DNAH9: variants seen among roughly 807,000 people sequenced by gnomAD.
DNAH9 encodes dynein axonemal heavy chain 9, also known as DNAH9 variant protein.
Under a neutral mutation model 471.6 loss-of-function variants are expected in DNAH9, and 345 were observed. The observed-to-expected ratio is 0.73, with a 90% CI of 0.67 to 0.80. DNAH9 has a LOEUF of 0.80. Ranked by LOEUF, DNAH9 falls within the 30% of genes least tolerant of loss-of-function variation. DNAH9 has a pLI of 0.00. For missense variants in DNAH9, 5,407 were observed against 5,609.2 expected, an observed-to-expected ratio of 0.96 and a Z score of 1.15; for synonymous variants, 2,093 against 2,123.6, an observed-to-expected ratio of 0.99 and a Z score of 0.40.
chr17:11,866,561 A>G (rs1972063412), intron 50 of DNAH9, among the ~76,000 whole-genome samples: 1 of 152,012 alleles, frequency 6.6e-6, no homozygotes, highest in Non-Finnish European at 1.5e-5. Flanking sequence ...TGTCAGACAG[A>G]GACATTTAAG....
At chr17:11,882,809 G>T in intron 55 of DNAH9, 1 of 485,062 alleles carries the variant, frequency 2.1e-6, no homozygotes, top group Non-Finnish European at 2.7e-6. Context: ...TGGCATCTGA[G>T]CTAATTCCTA....
At chr17:11,859,345 GA>G (rs1448618075) in intron 50 of DNAH9, among the ~76,000 whole-genome samples, 1 of 150,218 alleles carries the variant, frequency 6.7e-6, no homozygotes, top group East Asian at 2.0e-4. Context: ...CTGGAAGGCA[GA>G]GGTTGCAGTG....
At chr17:11,817,886 T>G (rs1970158228) in intron 45 of DNAH9, among the ~76,000 whole-genome samples, 1 of 152,190 alleles carries the variant, frequency 6.6e-6, no homozygotes, top group Non-Finnish European at 1.5e-5. Flanking sequence ...ATAATTCATT[T>G]TTTTATTTCA....
rs200649284 is a variant in DNAH9 at position 11,758,321 on chromosome 17, G to C, written c.6995+629G>C. ...TTACTACAGCAAGAATACTATCTGT[G>C]TCAGCACAGGGAGCTGCCCATGTTT... is the stretch of plus-strand genomic sequence containing the variant. On this transcript the variant is annotated intron_variant, in intron 35 of 68. Coordinates refer to ENST00000262442, the MANE Select transcript of DNAH9 (RefSeq NM_001372.4). 4.6e-5 allele frequency among the ~76,000 whole-genome samples: 7 copies of C among 152,288 alleles called. No individual in the cohort carries two copies. In the East Asian group the frequency reaches 1.2e-3, roughly 25 times the overall value.
At chr17:11,698,226 TAATAGC>T (rs1249620807) in intron 22 of DNAH9, among the ~76,000 whole-genome samples, 2 of 108,326 alleles carry the variant, frequency 1.8e-5, no homozygotes, top group African/African-American at 7.8e-5. Flanking sequence ...TATATTAATA[TAATAGC>T]AATATATTAT....
chr17:11,954,529 ATCAT>A (rs72112680), intron 67 of DNAH9, among the ~76,000 whole-genome samples: 61,933 of 151,506 alleles, frequency 0.41, 14,007 homozygotes, highest in Middle Eastern at 0.54. Flanking sequence ...GTGGAGAACT[ATCAT>A]TAAAGTACTA....
At chr17:11,665,052 G>A in intron 15 of DNAH9, 84 bp downstream of exon 15, 1 of 1,263,564 alleles carries the variant, frequency 7.9e-7, no homozygotes, top group South Asian at 1.4e-5. Flanking sequence ...GAGCAGCTGA[G>A]TGCTCTGTGA....
intron 68 of DNAH9, among the ~76,000 whole-genome samples, chr17:11,965,433 G>A (rs906572717): frequency 6.6e-6 from 1 of 152,156 alleles, no homozygotes; most frequent in Admixed American, 6.5e-5. Flanking sequence ...ACTTGACAAA[G>A]AATATAGACT....
At chr17:11,775,709 A>G (rs1968400280) in intron 38 of DNAH9, among the ~76,000 whole-genome samples, 1 of 138,250 alleles carries the variant, frequency 7.2e-6, no homozygotes, top group Non-Finnish European at 1.5e-5. Flanking sequence ...GGTTCACGCC[A>G]TTCTCCTGCC....
intron 42 of DNAH9, among the ~76,000 whole-genome samples, chr17:11,795,281 C>T (rs545884600): frequency 6.6e-6 from 1 of 152,216 alleles, no homozygotes; most frequent in South Asian, 2.1e-4. Context: ...TATTTCTTAG[C>T]GTCGAAATTA....
intron 68 of DNAH9, among the ~76,000 whole-genome samples, chr17:11,963,516 G>A (rs368112672): frequency 6.6e-6 from 1 of 151,098 alleles, no homozygotes; most frequent in Non-Finnish European, 1.5e-5. Flanking sequence ...GAGGGTGTAG[G>A]GAGAGGTGGG....
chr17:11,872,777 G>A (rs778144871), intron 52 of DNAH9, among the ~76,000 whole-genome samples: 7 of 152,266 alleles, frequency 4.6e-5, no homozygotes, highest in East Asian at 1.9e-4. Flanking sequence ...AAAATTAGCC[G>A]GGCATGGTGG....
In DNAH9 at chr17:11,823,085, A is replaced by G. The variant is rs371748229; in HGVS notation, c.9246+51A>G. ...CTGCAGGGGACTTGGAGGGAGCTGA[A>G]GCAGCCCTTTCCAGTGAACTGGAGG... On this transcript the variant is annotated intron_variant, in intron 48 of 68. Transcript: ENST00000262442. 21 of 1,506,432 alleles carry G rather than the reference A, an allele frequency of 1.4e-5. No individual in the cohort carries two copies. The African/African-American group carries it at 2.8e-4, about 20-fold the overall frequency. 93.3% of individuals were successfully genotyped at this position (1,506,432 alleles called of 1,614,324 possible). A position where few individuals can be genotyped will look rare whatever the true frequency, so the allele number is the denominator to read the frequency against.
At chr17:11,876,902 AT>A (rs1972507984) in intron 53 of DNAH9, among the ~76,000 whole-genome samples, 1 of 151,380 alleles carries the variant, frequency 6.6e-6, no homozygotes, top group Non-Finnish European at 1.5e-5. Context: ...TTTTTTTTGT[AT>A]TTTTAGTAGA....
intron 38 of DNAH9, among the ~76,000 whole-genome samples, chr17:11,777,864 A>G (rs1022989118): frequency 6.6e-6 from 1 of 152,232 alleles, no homozygotes; most frequent in East Asian, 1.9e-4. Flanking sequence ...AAGATTTATC[A>G]TCTAGTGAGG....
rs186861419 is a variant in DNAH9 at position 11,949,501 on chromosome 17, G to A, written c.12843+7016G>A. 8.1e-4 allele frequency among the ~76,000 whole-genome samples: 122 copies of A among 150,556 alleles called. No individual in the cohort carries two copies. In the East Asian group the frequency reaches 0.021, roughly 26 times the overall value. On this transcript the variant is annotated intron_variant, in intron 67 of 68. Coordinates refer to ENST00000262442, the MANE Select transcript of DNAH9 (RefSeq NM_001372.4). ...TGAGACTTTTTTTTTTTTTCTTTGA[G>A]ACGGAGTTTTGCTCTTGTTGTCCAG...
At chr17:11,746,864 C>G (rs577817526) in intron 31 of DNAH9, among the ~76,000 whole-genome samples, 1 of 152,138 alleles carries the variant, frequency 6.6e-6, no homozygotes, top group African/African-American at 2.4e-5. Flanking sequence ...TCTTATGCAC[C>G]CTTTTTGAGT....
At position 11,769,177 on chromosome 17, in the gene DNAH9, T is replaced by G. The variant is rs751847941; in HGVS notation, c.7400T>G (p.Leu2467Trp). The change falls in exon 38 of 69, where the codon TTG becomes TGG. Residue 2467 changes from leucine (L) to tryptophan (W), a missense_variant. Transcript: ENST00000262442. ...CGTGTGTGCTACTTCATGGAGCGGTTGATGGCGCGGCAGCGGCCTGTCATG... is the reference window on the plus strand; with the variant it reads ...CGTGTGTGCTACTTCATGGAGCGGTGGATGGCGCGGCAGCGGCCTGTCATG... ...TIRVCYFMER[L>W]MARQRPVMLV... is the part of the protein sequence containing the mutation. 1.2e-6 allele frequency: 2 copies of G among 1,614,148 alleles called. No individual in the cohort carries two copies. The highest frequency in any genetic ancestry group is 2.2e-5 in the South Asian group (2 of 91,074).
chr17:11,773,578 T>C (rs1968304238), intron 38 of DNAH9, among the ~76,000 whole-genome samples: 1 of 152,042 alleles, frequency 6.6e-6, no homozygotes, highest in African/African-American at 2.4e-5. Context: ...TACACATAAT[T>C]TATGCTTATA....
Sources: gnomAD v4.1 joint callset for allele counts (sites outside exome capture counted in the v4.1 genomes callset) on GRCh38, gnomAD v4.1.1 for gene constraint, MANE v1.5 for transcripts, NCBI Gene and HGNC (gene_info 2026-07-23, HGNC 2026-07-21) for gene names.